The following MAGI1 variants were observed in gnomAD, a reference collection of about 807,000 sequenced individuals.
MAGI1 encodes membrane associated guanylate kinase, WW and PDZ domain containing 1.
MAGI1 carries 58 observed loss-of-function variants against 139.9 expected under a neutral mutation model. That is an observed-to-expected ratio of 0.41 (90% confidence interval 0.34 to 0.52). MAGI1 has a LOEUF of 0.52. MAGI1 is among the 20% of genes least tolerant of loss of function. The pLI, the probability that MAGI1 is intolerant of heterozygous loss-of-function variation, is 0.12. For synonymous variants in MAGI1, 812 were observed against 737.9 expected (o/e 1.10, Z -1.63); for missense variants, 1,874 against 1,901.6 (o/e 0.99, Z 0.27).
intron 14 of MAGI1, among the ~76,000 whole-genome samples, chr3:65,385,231 A>G (rs892920115): frequency 4.6e-5 from 7 of 152,280 alleles, no homozygotes; most frequent in African/African-American, 1.7e-4. Context: ...TGTTCTATAC[A>G]CCACTCTGTT....
chr3:65,932,592 C>G (rs1011722504), intron 1 of MAGI1, among the ~76,000 whole-genome samples: 1 of 152,122 alleles, frequency 6.6e-6, no homozygotes, highest in Non-Finnish European at 1.5e-5. Context: ...TAGGCATCGG[C>G]ACCTAATTGA....
chr3:65,593,401 T>TC lies in MAGI1; in HGVS notation c.430+28570_430+28571insG, dbSNP rs1553675952. Among the ~76,000 whole-genome samples the TC allele has an allele frequency of 3.4e-5, 5 of 147,518 alleles. No individual in the cohort carries two copies. In the East Asian group the frequency reaches 5.9e-4, roughly 17 times the overall value. ...GCAAGGACTAGTAGATTGTGAAGGA[T>TC]GGGGGGGAAAGGAGATTCTTTAATC... On this transcript the variant is annotated intron_variant, in intron 2 of 22. Coordinates refer to ENST00000402939, the MANE Select transcript of MAGI1 (RefSeq NM_001033057.2).
At chr3:65,922,138 C>T (rs1177788554) in intron 1 of MAGI1, among the ~76,000 whole-genome samples, 1 of 152,042 alleles carries the variant, frequency 6.6e-6, no homozygotes, top group African/African-American at 2.4e-5. Flanking sequence ...TTCCCTTTTA[C>T]AGAAACAGAG....
At chr3:65,616,391 G>T (rs896178804) in intron 2 of MAGI1, among the ~76,000 whole-genome samples, 6 of 152,136 alleles carry the variant, frequency 3.9e-5, no homozygotes, top group African/African-American at 9.7e-5. Context: ...AAACATCTGT[G>T]GTTAAATAGA....
At chr3:65,871,325 T>C (rs1408381524) in intron 1 of MAGI1, among the ~76,000 whole-genome samples, 1 of 151,980 alleles carries the variant, frequency 6.6e-6, no homozygotes, top group Non-Finnish European at 1.5e-5. Context: ...GAGTTGAAAC[T>C]GGGGTTGGGG....
rs2107905087 is a variant in MAGI1, at chr3:65,765,374, G to C, written c.314-143286C>G. ...GGCCAAGCATTTGGTTGTGGCACTGGCGGGACAACTATAAAGAAACCAATG... is the reference window on the plus strand; with the variant it reads ...GGCCAAGCATTTGGTTGTGGCACTGCCGGGACAACTATAAAGAAACCAATG... On this transcript the variant is annotated intron_variant, in intron 1 of 22. Transcript: ENST00000402939. 2.0e-5 allele frequency among the ~76,000 whole-genome samples: 3 copies of C among 152,300 alleles called. No individual in the cohort carries two copies. The South Asian group carries it at 6.2e-4, about 32-fold the overall frequency.
At chr3:65,689,403 G>C (rs2088369585) in intron 1 of MAGI1, among the ~76,000 whole-genome samples, 1 of 152,020 alleles carries the variant, frequency 6.6e-6, no homozygotes. Flanking sequence ...CTTCAAATTT[G>C]CACTCAGTAT....
At chr3:66,008,091 T>A (rs1205626088) in intron 1 of MAGI1, among the ~76,000 whole-genome samples, 1 of 151,988 alleles carries the variant, frequency 6.6e-6, no homozygotes, top group Admixed American at 6.6e-5. Context: ...CAGATGGGGT[T>A]CCACCATGTT....
intron 1 of MAGI1, among the ~76,000 whole-genome samples, chr3:65,950,455 A>T (rs1406149531): frequency 6.6e-6 from 1 of 152,146 alleles, no homozygotes; most frequent in East Asian, 1.9e-4. Flanking sequence ...CTGTTGAAGG[A>T]TCCTCAGAGA....
intron 2 of MAGI1, chr3:65,597,629 C>T (rs1576432799): frequency 4.4e-6 from 2 of 454,938 alleles, no homozygotes; most frequent in Non-Finnish European, 8.8e-6. Flanking sequence ...GGTCCACACA[C>T]CACACACGGC....
chr3:65,569,724 T>A (rs1281165301), intron 2 of MAGI1, among the ~76,000 whole-genome samples: 2 of 144,208 alleles, frequency 1.4e-5, no homozygotes, highest in Admixed American at 1.4e-4. Context: ...AAACAAAAAA[T>A]AAATTAGCCA....
chr3:65,782,299 G>T (rs1481415890), intron 1 of MAGI1, among the ~76,000 whole-genome samples: 1 of 152,100 alleles, frequency 6.6e-6, no homozygotes, highest in Non-Finnish European at 1.5e-5. Flanking sequence ...GGCACAGAAG[G>T]ATACAACGTT....
chr3:65,536,067 T>G (rs564284194), intron 2 of MAGI1, among the ~76,000 whole-genome samples: 1 of 152,358 alleles, frequency 6.6e-6, no homozygotes, highest in South Asian at 2.1e-4. Flanking sequence ...ACACACCATA[T>G]GCAAAGGCAG....
intron 1 of MAGI1, among the ~76,000 whole-genome samples, chr3:65,951,021 A>AGGGAGGGAGGGAGGG: frequency 1.4e-5 from 1 of 72,986 alleles, no homozygotes; most frequent in South Asian, 6.6e-4. Flanking sequence ...GGAAGGAAGG[A>AGGGAGGGAGGGAGGG]AGGAAGGAAG....
intron 1 of MAGI1, chr3:65,717,652 A>ACAT (rs1477066980): frequency 5.9e-5 from 9 of 152,188 alleles, no homozygotes; most frequent in Non-Finnish European, 1.2e-4. Context: ...GGAGATGAAA[A>ACAT]CATCTTGCAA....
intron 1 of MAGI1, among the ~76,000 whole-genome samples, chr3:66,012,050 C>T (rs1447846799): frequency 1.3e-5 from 2 of 152,006 alleles, no homozygotes; most frequent in Non-Finnish European, 2.9e-5. Context: ...ACAACCTTGT[C>T]TATATCGATT....
At chr3:65,960,818 A>G (rs1214610151) in intron 1 of MAGI1, among the ~76,000 whole-genome samples, 1 of 152,148 alleles carries the variant, frequency 6.6e-6, no homozygotes, top group Non-Finnish European at 1.5e-5. Flanking sequence ...TAACTTCACC[A>G]TCCTTGCTCC....
chr3:65,969,170 G>A (rs1204928153), intron 1 of MAGI1, among the ~76,000 whole-genome samples: 1 of 152,178 alleles, frequency 6.6e-6, no homozygotes, highest in African/African-American at 2.4e-5. Flanking sequence ...GAACACCGTG[G>A]GGAGTCTCTC....
chr3:65,791,322 C>G (rs1282089706), intron 1 of MAGI1, among the ~76,000 whole-genome samples: 1 of 152,192 alleles, frequency 6.6e-6, no homozygotes, highest in Non-Finnish European at 1.5e-5. Flanking sequence ...TAGGTACAGT[C>G]AGCCCTTCGT....
Sources: gnomAD v4.1 joint callset for allele counts (sites outside exome capture counted in the v4.1 genomes callset) on GRCh38, gnomAD v4.1.1 for gene constraint, MANE v1.5 for transcripts, NCBI Gene and HGNC (gene_info 2026-07-23, HGNC 2026-07-21) for gene names.